The following OR1L6 variants were observed in gnomAD, a reference collection of about 807,000 sequenced individuals.
The protein encoded by OR1L6 is olfactory receptor family 1 subfamily L member 6.
In OR1L6, 2 loss-of-function variants were observed where a neutral mutation model predicts 3.0. The ratio of observed to expected loss-of-function variants is 0.68; its 90% CI spans 0.28 to 2.13. The LOEUF is 2.13. OR1L6 is among the 30% of genes most tolerant of loss of function. The probability of loss-of-function intolerance (pLI) is 0.14; values close to 1 mark genes in which losing one functional copy is unlikely to be tolerated. For missense variants in OR1L6, 304 were observed against 378.4 expected (o/e 0.80, Z 1.63); for synonymous variants, 121 against 148.4 (o/e 0.82, Z 1.34).
intron 1 of OR1L6, 144 bp from the exon 2 acceptor site, chr9:122,749,691 G>A (rs1174857501): frequency 3.7e-6 from 3 of 804,038 alleles, no homozygotes; most frequent in Non-Finnish European, 6.3e-6. Context: ...CTGGGCGACA[G>A]ACCGAGACTC....
At position 122,750,419 on chromosome 9, in the gene OR1L6, C is replaced by G; in HGVS notation, c.572C>G (p.Ser191Cys). 1 of 1,604,818 alleles carries G rather than the reference C, an allele frequency of 6.2e-7. No individual in the cohort carries two copies. The highest frequency in any genetic ancestry group is 8.5e-7 in the Non-Finnish European group (1 of 1,174,198). Residue 191 changes from serine (S) to cysteine (C), a missense_variant, in exon 2 of 2, where the codon TCT becomes TGT. Coordinates refer to ENST00000304720, the MANE Select transcript of OR1L6 (RefSeq NM_001004453.3). ...DTQPVLKLSC[S>C]DTSSSQMVVM... is the part of the protein sequence containing the mutation. ...CAGCCTGTGCTAAAGCTCTCCTGCTCTGACACATCCTCCAGCCAGATGGTG... is the reference window on the plus strand; with the variant it reads ...CAGCCTGTGCTAAAGCTCTCCTGCTGTGACACATCCTCCAGCCAGATGGTG...
At chr9:122,748,158 A>C (rs1828854391) in intron 1 of OR1L6, among the ~76,000 whole-genome samples, 1 of 152,266 alleles carries the variant, frequency 6.6e-6, no homozygotes, top group South Asian at 2.1e-4. Flanking sequence ...CCAAACAGAA[A>C]GGTTTAAACA....
At chr9:122,749,812 C>T (rs142665332) in intron 1 of OR1L6, 23 bp from the exon 2 acceptor site, 13 of 1,610,572 alleles carry the variant, frequency 8.1e-6, no homozygotes, top group African/African-American at 8.0e-5. Flanking sequence ...ATCTCTCCCA[C>T]TGCTTCTCCA....
chr9:122,749,381 C>T (rs1254105308), intron 1 of OR1L6, among the ~76,000 whole-genome samples: 5 of 152,088 alleles, frequency 3.3e-5, no homozygotes, highest in Non-Finnish European at 7.3e-5. Context: ...TCTCCTGATC[C>T]ATGAGCATGG....
In OR1L6 at chr9:122,750,140, G is replaced by T; in HGVS notation, c.293G>T (p.Cys98Phe). 1 of 1,613,518 alleles carries T rather than the reference G, an allele frequency of 6.2e-7. No homozygotes were observed. Among genetic ancestry groups the T allele is most frequent in the Non-Finnish European group, 8.5e-7 (1 of 1,179,576 alleles). Reference protein sequence around the residue: ...SETKVISYVGCLAQMYFFMAF... With the variant: ...SETKVISYVGFLAQMYFFMAF... ...ACAAAGGTTATCTCCTATGTGGGCT[G>T]CCTGGCCCAGATGTACTTCTTTATG... The change falls in exon 2 of 2, where the codon TGC becomes TTC. Residue 98 changes from cysteine to phenylalanine, a missense_variant. By Grantham distance (205) the Cys-to-Phe change is radical (BLOSUM62 -2). Coordinates refer to ENST00000304720, the MANE Select transcript of OR1L6 (RefSeq NM_001004453.3).
chr9:122,748,966 C>T (rs1031070427), intron 1 of OR1L6, among the ~76,000 whole-genome samples: 1 of 152,120 alleles, frequency 6.6e-6, no homozygotes, highest in Non-Finnish European at 1.5e-5. Context: ...CGTATACGTA[C>T]ACACACCACT....
intron 1 of OR1L6, among the ~76,000 whole-genome samples, chr9:122,743,028 A>G (rs1176465825): frequency 2.6e-5 from 4 of 152,008 alleles, no homozygotes; most frequent in Non-Finnish European, 5.9e-5. Context: ...GGGGTCTAAA[A>G]CCTCATGACA....
chr9:122,743,569 C>T (rs182903153), intron 1 of OR1L6, among the ~76,000 whole-genome samples: 1 of 152,266 alleles, frequency 6.6e-6, no homozygotes, highest in Admixed American at 6.5e-5. Context: ...AATCTGCTTG[C>T]CTTACTGCTG....
Position 122,750,021 on chromosome 9 carries a change from C to T in OR1L6, c.174C>T (p.Thr58=), listed in dbSNP as rs1348039549. 4.3e-6 allele frequency: 7 copies of T among 1,614,140 alleles called. No homozygotes were observed. The South Asian group carries it at 6.6e-5, about 15-fold the overall frequency. The change falls in exon 2 of 2, where the codon ACC becomes ACT. Residue 58 remains threonine, a synonymous_variant. Transcript: ENST00000304720. ...PAIYSDPRLH[T]PMYFFLSNLS... is the part of the protein sequence containing the mutation. ...TCTACTCTGACCCCAGGCTCCACAC[C>T]CCTATGTACTTTTTTCTCAGCAACT...
intron 1 of OR1L6, among the ~76,000 whole-genome samples, chr9:122,748,101 CAT>C (rs1828853943): frequency 1.3e-5 from 2 of 152,100 alleles, no homozygotes; most frequent in South Asian, 2.1e-4. Context: ...TTTTGAGTGA[CAT>C]CTTTGGACCA....
intron 1 of OR1L6, among the ~76,000 whole-genome samples, chr9:122,748,232 G>T (rs1396535320): frequency 1.3e-5 from 2 of 152,038 alleles, no homozygotes; most frequent in Non-Finnish European, 2.9e-5. Context: ...TGGACAATAA[G>T]GAGCATTGAT....
At position 122,749,709 on chromosome 9, in the gene OR1L6, A is replaced by G. The variant is rs765101928; in HGVS notation, c.-13-126A>G. On this transcript the variant is annotated intron_variant, in intron 1 of 1. Coordinates refer to ENST00000304720, the MANE Select transcript of OR1L6 (RefSeq NM_001004453.3). ...GGCGACAGACCGAGACTCCGTCTCA[A>G]AGAAAAAAAAAACAACCGTAACAAA... 8.5e-6 allele frequency: 8 copies of G among 942,570 alleles called. No individual in the cohort carries two copies. The East Asian group carries it at 1.7e-4, about 20-fold the overall frequency. 58.4% of individuals were successfully genotyped at this position (942,570 alleles called of 1,614,324 possible).
In OR1L6 at chr9:122,749,640, G is replaced by A. The variant is rs1459167122; in HGVS notation, c.-13-195G>A. 14 of 646,510 alleles carry A rather than the reference G, an allele frequency of 2.2e-5. No individual in the cohort carries two copies. In the Admixed American group the frequency reaches 2.6e-4, roughly 12 times the overall value. The allele number at this position is 646,510 out of a possible 1,614,324, so 40.0% of individuals were successfully genotyped here. On this transcript the variant is annotated intron_variant, in intron 1 of 1. Transcript: ENST00000304720. ...GGAAAATGGCATGAACCCGAGAGGC[G>A]GAGCTTGCAGTGAGCTGAGATCACG... is the stretch of plus-strand genomic sequence containing the variant.
chr9:122,746,447 A>T (rs2118908465), intron 1 of OR1L6, among the ~76,000 whole-genome samples: 1 of 152,300 alleles, frequency 6.6e-6, no homozygotes, highest in Non-Finnish European at 1.5e-5. Flanking sequence ...AGTAATAAAA[A>T]TATACTATAA....
intron 1 of OR1L6, 71 bp from the exon 2 acceptor site, chr9:122,749,764 C>A (rs775735215): frequency 3.6e-6 from 5 of 1,376,302 alleles, no homozygotes; most frequent in Non-Finnish European, 4.2e-6. Context: ...CAGGCTTAAG[C>A]TTATGAAAGA....
intron 1 of OR1L6, among the ~76,000 whole-genome samples, chr9:122,742,929 C>G (rs953146598): frequency 1.3e-5 from 2 of 152,162 alleles, no homozygotes; most frequent in African/African-American, 4.8e-5. Flanking sequence ...CTGGGCCCCT[C>G]CAGATATTGT....
chr9:122,743,659 G>A (rs1010279050), intron 1 of OR1L6, among the ~76,000 whole-genome samples: 2 of 152,200 alleles, frequency 1.3e-5, no homozygotes, highest in Non-Finnish European at 2.9e-5. Context: ...CTTAAGGTCA[G>A]GTGTTGATGT....
At chr9:122,745,791 T>C (rs1417976909) in intron 1 of OR1L6, among the ~76,000 whole-genome samples, 1 of 152,014 alleles carries the variant, frequency 6.6e-6, no homozygotes, top group Non-Finnish European at 1.5e-5. Context: ...ACATTACACA[T>C]AAACACTTTT....
intron 1 of OR1L6, among the ~76,000 whole-genome samples, chr9:122,748,806 AT>A (rs1367881141): frequency 1.3e-5 from 2 of 152,002 alleles, no homozygotes; most frequent in African/African-American, 2.4e-5. Context: ...CTGATTTTAT[AT>A]TTTTTTATTT....
Sources: allele counts gnomAD v4.1 joint callset (sites outside exome capture counted in the v4.1 genomes callset), GRCh38; gene constraint gnomAD v4.1.1; transcripts MANE v1.5; gene names NCBI Gene and HGNC (gene_info 2026-07-23, HGNC 2026-07-21).